The following GET1 variants were observed in gnomAD, a reference collection of about 807,000 sequenced individuals.
The protein encoded by GET1 is guided entry of tail-anchored proteins factor 1.
Under a neutral mutation model 22.6 loss-of-function variants are expected in GET1, and 20 were observed. The ratio of observed to expected loss-of-function variants is 0.89; its 90% CI spans 0.62 to 1.29. GET1 has a LOEUF of 1.29. Ranked by LOEUF, GET1 falls within the 50% of genes most tolerant of loss-of-function variation. GET1 has a pLI of 0.00. For missense variants in GET1, 209 were observed against 219.9 expected (o/e 0.95, Z 0.31); for synonymous variants, 92 against 83.8 (o/e 1.10, Z -0.53).
At chr21:39,412,463 A>G (rs1245653178) in intron 1 of GET1, among the ~76,000 whole-genome samples, 1 of 152,222 alleles carries the variant, frequency 6.6e-6, no homozygotes, top group African/African-American at 2.4e-5. Context: ...TCCTTCTTAC[A>G]TGTACACCAG....
At chr21:39,389,008 T>G (rs571291695) in intron 1 of GET1, among the ~76,000 whole-genome samples, 75 of 152,320 alleles carry the variant, frequency 4.9e-4, no homozygotes, top group African/African-American at 1.8e-3. Context: ...GATCTCCAAT[T>G]GAAGCCAACA....
chr21:39,414,742 C>CTGTGTGTGTG lies in GET1; in HGVS notation c.*23+3833_*23+3842dup, dbSNP rs66478742. 7.5e-3 allele frequency among the ~76,000 whole-genome samples: 743 copies of CTGTGTGTGTG among 99,208 alleles called. 14 individuals carry two copies. The highest frequency in any genetic ancestry group is 0.027 in the African/African-American group (611 of 22,722). 65.1% of individuals were successfully genotyped at this position (99,208 alleles called of 152,430 possible). On this transcript the variant is annotated intron_variant, in intron 1 of 1. Coordinates refer to the GET1 transcript ENST00000478273. ...TCTCTCTCTCTCTCTCTCTCTCTCTCTGTGTGTGTGTGTGTGTGTGTGTGT... is the reference window on the plus strand; with the variant it reads ...TCTCTCTCTCTCTCTCTCTCTCTCTCTGTGTGTGTGTGTGTGTGTGTGTGTGTGTGTGTGT...
chr21:39,390,707 G>T lies in GET1; in HGVS notation c.112G>T (p.Val38Leu), dbSNP rs929751978. 1 of 1,614,038 alleles carries T rather than the reference G, an allele frequency of 6.2e-7. No individual in the cohort carries two copies. The change falls in exon 2 of 5, where the codon GTG (valine) becomes TTG (leucine). Residue 38 changes from valine (V) to leucine (L), a missense_variant. By Grantham distance (32) the Val-to-Leu change is conservative (BLOSUM62 1). Coordinates refer to ENST00000649170, the MANE Select transcript of GET1 (RefSeq NM_004627.6). ...TTGTCCGCCCTGCCAGATGTCCAGG[G>T]TGCTGCAGAAGGACGCGGAGCAGGA... ...LPSFSSFMSR[V>L]LQKDAEQESQ...
chr21:39,396,879 T>G lies in GET1; in HGVS notation c.465T>G (p.Ile155Met). 10 of 1,613,934 alleles carry G rather than the reference T, an allele frequency of 6.2e-6. No individual in the cohort carries two copies. The highest frequency in any genetic ancestry group is 8.5e-6 in the Non-Finnish European group (10 of 1,180,002). ...CTTTGTTTTCAGGTGGTGTTGGAATTACCTGTTGGATTTTAGTCTGTAACA... is the reference window on the plus strand; with the variant it reads ...CTTTGTTTTCAGGTGGTGTTGGAATGACCTGTTGGATTTTAGTCTGTAACA... ...FPTRVAGGVG[I>M]TCWILVCNKV... is the part of the protein sequence containing the mutation. Residue 155 changes from isoleucine (I) to methionine (M), a missense_variant, in exon 5 of 5, where the codon ATT becomes ATG. Transcript: ENST00000649170.
At chr21:39,385,457 C>G (rs2037824064) in intron 1 of GET1, among the ~76,000 whole-genome samples, 1 of 152,152 alleles carries the variant, frequency 6.6e-6, no homozygotes, top group Non-Finnish European at 1.5e-5. Flanking sequence ...GTGGTGTTGG[C>G]GTGGTTGGAA....
downstream of GET1, among the ~76,000 whole-genome samples, chr21:39,402,504 G>T (rs2038865451): frequency 6.6e-6 from 1 of 152,322 alleles, no homozygotes; most frequent in South Asian, 2.1e-4. Flanking sequence ...GGGCTGCCTG[G>T]GTTTTGTCCT....
intron 3 of GET1, chr21:39,392,899 C>A: frequency 2.5e-6 from 1 of 393,684 alleles, no homozygotes; most frequent in Non-Finnish European, 4.6e-6. Flanking sequence ...AATGCCAGTT[C>A]ACATAGGAAG....
downstream of GET1, among the ~76,000 whole-genome samples, chr21:39,401,699 C>G (rs565366807): frequency 2.6e-5 from 4 of 152,318 alleles, no homozygotes; most frequent in South Asian, 2.1e-4. Context: ...AACCCTGCAT[C>G]GAGCAAGTCT....
intron 1 of GET1, among the ~76,000 whole-genome samples, chr21:39,414,742 C>CTCTCTCTCTGTGTGTGTG (rs1341489035): frequency 1.0e-5 from 1 of 99,178 alleles, no homozygotes; most frequent in Admixed American, 1.1e-4. Context: ...CTCTCTCTCT[C>CTCTCTCTCTGTGTGTGTG]TGTGTGTGTG....
chr21:39,390,082 G>A (rs971991825), intron 1 of GET1, among the ~76,000 whole-genome samples: 6 of 143,994 alleles, frequency 4.2e-5, no homozygotes, highest in African/African-American at 1.3e-4. Flanking sequence ...ATAGGGAGCC[G>A]AAAAAGGCAG....
At position 39,404,935 on chromosome 21, in the gene GET1, G is replaced by A. The variant is rs534551752; in HGVS notation, c.350-979G>A. On this transcript the variant is annotated intron_variant, in intron 4 of 4. Transcript: ENST00000415847. ...AGCCTCTGCCTCCTGGGGTTCCAGC[G>A]ATTCTCCTGCCTCAGCCTCCTGGGT... Among the ~76,000 whole-genome samples, 10 of 150,932 alleles carry A rather than the reference G, an allele frequency of 6.6e-5. No individual in the cohort carries two copies. In the East Asian group the frequency reaches 1.6e-3, roughly 24 times the overall value.
In GET1 at chr21:39,397,009, ACT is replaced by A; in HGVS notation, c.*71_*72del. On this transcript the variant is annotated 3_prime_UTR_variant, in exon 5 of 5. Transcript: ENST00000649170. ...CTTCCTAGCTTAAAATCTGATTTAC[ACT>A]GTTTTGTTTTTTAAGAAACAAAAGT... is the stretch of plus-strand genomic sequence containing the variant. 6.5e-7 allele frequency: 1 copy of A among 1,539,220 alleles called. No homozygotes were observed. The highest frequency in any genetic ancestry group is 1.2e-5 in the South Asian group (1 of 86,400).
chr21:39,411,238 A>C (rs748657600), downstream of GET1: 1 of 217,438 alleles, frequency 4.6e-6, no homozygotes, highest in Non-Finnish European at 9.3e-6. Context: ...ACTGCAGGGG[A>C]CACGAGGAAA....
chr21:39,411,536 C>T (rs1396207048), downstream of GET1, among the ~76,000 whole-genome samples: 1 of 152,146 alleles, frequency 6.6e-6, no homozygotes, highest in Non-Finnish European at 1.5e-5. Context: ...AACGGGAAAG[C>T]ATTTCTATTC....
intron 4 of GET1, among the ~76,000 whole-genome samples, chr21:39,403,547 G>C (rs920880203): frequency 1.7e-4 from 21 of 120,490 alleles, no homozygotes; most frequent in African/African-American, 7.3e-4. Flanking sequence ...GGATGGTCTC[G>C]ATCTGACTTC....
At chr21:39,420,751 G>C (rs2042162587) in intron 1 of GET1, 1 of 1,613,422 alleles carries the variant, frequency 6.2e-7, no homozygotes, top group Non-Finnish European at 8.5e-7. Flanking sequence ...GCAGAGTCTT[G>C]GTAGCTGTCT....
downstream of GET1, among the ~76,000 whole-genome samples, chr21:39,407,252 AAGAAC>A (rs548604422): frequency 1.3e-3 from 195 of 152,238 alleles, 1 homozygote; most frequent in Admixed American, 3.1e-3. Flanking sequence ...AACAGAACAG[AAGAAC>A]AGAACAGAAC....
chr21:39,422,964 T>A, intron 1 of GET1: 1 of 1,610,340 alleles, frequency 6.2e-7, no homozygotes, highest in South Asian at 1.1e-5. Context: ...TCTGGGCCCC[T>A]GAAATACAGA....
At chr21:39,409,985 A>G (rs1489507389), downstream of GET1, 3 of 1,506,304 alleles carry the variant, frequency 2.0e-6, no homozygotes, top group Admixed American at 5.3e-5. This position sits in a 1 kb window ranked among gnomAD's most constrained non-coding sequence, Gnocchi z 4.2. Flanking sequence ...TTACCTTCAT[A>G]TTTTCTCTTA....
Sources: allele counts gnomAD v4.1 joint callset (sites outside exome capture counted in the v4.1 genomes callset), GRCh38; gene constraint gnomAD v4.1.1; non-coding constraint Gnocchi (gnomAD v3.1); transcripts MANE v1.5; gene names NCBI Gene and HGNC (gene_info 2026-07-23, HGNC 2026-07-21).